Variants in MAST2 observed in about 807,000 individuals in gnomAD.
MAST2 encodes microtubule-associated serine/threonine-protein kinase 2.
In MAST2, 70 loss-of-function variants were observed where a neutral mutation model predicts 147.4. That is an observed-to-expected ratio of 0.47 (90% CI 0.39 to 0.58). The LOEUF (loss-of-function observed/expected upper bound fraction) is 0.58. Among genes scored for constraint, MAST2 ranks in the 20% least tolerant of loss-of-function variants. MAST2 has a pLI of 0.00. For missense variants in MAST2, 2,080 were observed against 2,302.3 expected (o/e 0.90, Z 1.98); for synonymous variants, 869 against 896.8 (o/e 0.97, Z 0.55).
intron 4 of MAST2, among the ~76,000 whole-genome samples, chr1:45,937,776 A>G (rs1432186494): frequency 8.1e-6 from 1 of 123,670 alleles, no homozygotes; most frequent in African/African-American, 3.2e-5. Flanking sequence ...AAAAAAAAAA[A>G]AAAAAATTAC....
At chr1:45,955,363 A>G (rs1302892589) in intron 4 of MAST2, among the ~76,000 whole-genome samples, 1 of 152,090 alleles carries the variant, frequency 6.6e-6, no homozygotes, top group Non-Finnish European at 1.5e-5. Flanking sequence ...TACAAAGCAA[A>G]TCCCTGCAAA....
At chr1:45,874,734 T>G (rs1646529163) in intron 3 of MAST2, among the ~76,000 whole-genome samples, 1 of 152,214 alleles carries the variant, frequency 6.6e-6, no homozygotes, top group Non-Finnish European at 1.5e-5. Context: ...AGAGCAAGAC[T>G]AATTCCTACT....
chr1:46,032,766 TG>T (rs1314977609), intron 26 of MAST2, 48 bp downstream of exon 26: 1 of 1,584,118 alleles, frequency 6.3e-7, no homozygotes, highest in South Asian at 1.2e-5. Flanking sequence ...GACCTCAGCC[TG>T]TGAGTCTGTG....
intron 4 of MAST2, among the ~76,000 whole-genome samples, chr1:45,935,696 G>A (rs1022379027): frequency 6.6e-6 from 1 of 152,180 alleles, no homozygotes; most frequent in Non-Finnish European, 1.5e-5. Flanking sequence ...TCAGAAGGTT[G>A]TAGATGTGTG....
chr1:45,931,634 C>T (rs900588897), intron 4 of MAST2, among the ~76,000 whole-genome samples: 4 of 151,862 alleles, frequency 2.6e-5, no homozygotes, highest in Admixed American at 6.6e-5. Context: ...GGACTACAGG[C>T]GCCCGCCACC....
chr1:45,904,741 C>T lies in MAST2; in HGVS notation c.500+22346C>T, dbSNP rs189368555. 7.2e-5 allele frequency among the ~76,000 whole-genome samples: 11 copies of T among 151,996 alleles called. No homozygotes were observed. The East Asian group carries it at 1.9e-3, about 27-fold the overall frequency. ...TTGGCCTCCCAGAGTGCTAGGATTA[C>T]AGGCACGAGCCACCGCACCCAACCC... is the stretch of plus-strand genomic sequence containing the variant. On this transcript the variant is annotated intron_variant, in intron 4 of 28. Transcript: ENST00000361297.
At chr1:45,933,751 GT>G (rs1242613689) in intron 4 of MAST2, among the ~76,000 whole-genome samples, 1 of 151,386 alleles carries the variant, frequency 6.6e-6, no homozygotes, top group African/African-American at 2.4e-5. Context: ...CAAAAACTCA[GT>G]CTCAAAAAAA....
chr1:45,938,562 A>G (rs1656640834), intron 4 of MAST2, among the ~76,000 whole-genome samples: 1 of 152,202 alleles, frequency 6.6e-6, no homozygotes, highest in African/African-American at 2.4e-5. Context: ...CCTGGGCTCA[A>G]GTGATTCTCC....
At chr1:45,985,779 C>G (rs910029338) in intron 5 of MAST2, among the ~76,000 whole-genome samples, 1 of 152,142 alleles carries the variant, frequency 6.6e-6, no homozygotes, top group African/African-American at 2.4e-5. Flanking sequence ...TTTAGATCAT[C>G]TTTAATTTCT....
Position 46,035,023 on chromosome 1 carries a change from G to C in MAST2, c.4354G>C (p.Val1452Leu). The C allele has an allele frequency of 6.2e-7, 1 of 1,614,016 alleles. No homozygotes were observed. The highest frequency in any genetic ancestry group is 8.5e-7 in the Non-Finnish European group (1 of 1,180,034). ...CAGGGAAGTGAGCCCTCTGGAGGTAGTTGGAGCCAGGAGTGTGCTGTCTGG... is the reference window on the plus strand; with the variant it reads ...CAGGGAAGTGAGCCCTCTGGAGGTACTTGGAGCCAGGAGTGTGCTGTCTGG... ...PPREVSPLEV[V>L]GARSVLSGKG... is the part of the protein sequence containing the mutation. The change falls in exon 29 of 29, where the codon GTT becomes CTT. Residue 1452 changes from valine (V) to leucine (L), a missense_variant. Transcript: ENST00000361297. The surrounding 1 kb of genome is among the most constrained non-coding windows in gnomAD (Gnocchi z 5.5).
chr1:45,824,232 TTAA>T lies in MAST2; in HGVS notation c.178-196_178-194del, dbSNP rs1644723805. 3.3e-5 allele frequency among the ~76,000 whole-genome samples: 5 copies of T among 152,356 alleles called. No homozygotes were observed. In the South Asian group the frequency reaches 1.0e-3, roughly 32 times the overall value. On this transcript the variant is annotated intron_variant, in intron 1 of 28. Coordinates refer to ENST00000361297, the MANE Select transcript of MAST2 (RefSeq NM_015112.3). ...TCTCACCTATTTTTCCTTTGGCATT[TTAA>T]TAATCAATATCCTGTGTCCTTTACA...
chr1:45,846,557 C>T (rs1168317948), intron 3 of MAST2, among the ~76,000 whole-genome samples: 1 of 152,132 alleles, frequency 6.6e-6, no homozygotes, highest in African/African-American at 2.4e-5. Context: ...TGCGGTGGCT[C>T]ATACCTGTAA....
Position 45,883,912 on chromosome 1 carries a change from G to GCCTCCCC in MAST2, c.500+1519_500+1520insTCCCCCC, listed in dbSNP as rs59944185. Reference sequence around the variant, plus strand: ...ACTTGGTCATTTTTCTACTATTTCTGCCCCCCCCGCTTTTTTTTGGTTGCT... The same window carrying GCCTCCCC: ...ACTTGGTCATTTTTCTACTATTTCTGCCTCCCCCCCCCCCCGCTTTTTTTTGGTTGCT... On this transcript the variant is annotated intron_variant, in intron 4 of 28. Coordinates refer to ENST00000361297, the MANE Select transcript of MAST2 (RefSeq NM_015112.3). 8.4e-3 allele frequency among the ~76,000 whole-genome samples: 21 copies of GCCTCCCC among 2,506 alleles called. 8 individuals carry two copies. The highest frequency in any genetic ancestry group is 0.067 in the South Asian group (2 of 30). The allele number at this position is 2,506 out of a possible 152,430, so 1.6% of individuals were successfully genotyped here.
intron 3 of MAST2, among the ~76,000 whole-genome samples, chr1:45,854,804 C>T (rs114667646): frequency 6.6e-6 from 1 of 152,156 alleles, no homozygotes; most frequent in Non-Finnish European, 1.5e-5. Context: ...AGCATCAGAT[C>T]CCATAGGCTA....
chr1:45,886,083 G>A (rs1439395502), intron 4 of MAST2, among the ~76,000 whole-genome samples: 1 of 151,932 alleles, frequency 6.6e-6, no homozygotes, highest in African/African-American at 2.4e-5. Flanking sequence ...GGGCAACATA[G>A]TGAGACCCTG....
intron 4 of MAST2, among the ~76,000 whole-genome samples, chr1:45,911,224 G>A (rs553293624): frequency 1.1e-3 from 160 of 152,296 alleles, no homozygotes; most frequent in Non-Finnish European, 2.1e-3. Context: ...AGGAATATTG[G>A]CACAAATGGA....
In MAST2 at chr1:45,850,825, C is replaced by A. The variant is rs984171235; in HGVS notation, c.468+21244C>A. On this transcript the variant is annotated intron_variant, in intron 3 of 28. Transcript: ENST00000361297. ...ATAGGTCTATGTGTCTGCTTTTGTA[C>A]CAGTACTATGCTTTTTTTTTTTTTT... Among the ~76,000 whole-genome samples, 6 of 144,258 alleles carry A rather than the reference C, an allele frequency of 4.2e-5. 1 individual carries two copies. Among genetic ancestry groups the A allele is most frequent in the African/African-American group, 1.5e-4 (6 of 39,254 alleles). 94.6% of individuals were successfully genotyped at this position (144,258 alleles called of 152,430 possible).
At chr1:45,884,557 A>C (rs1012831821) in intron 4 of MAST2, among the ~76,000 whole-genome samples, 2 of 152,092 alleles carry the variant, frequency 1.3e-5, no homozygotes, top group African/African-American at 4.8e-5. Context: ...GTCAAAAAAT[A>C]AATAAATAAA....
At position 45,829,594 on chromosome 1, in the gene MAST2, A is replaced by T; in HGVS notation, c.468+13A>T. 1 of 1,605,394 alleles carries T rather than the reference A, an allele frequency of 6.2e-7. No individual in the cohort carries two copies. The highest frequency in any genetic ancestry group is 8.5e-7 in the Non-Finnish European group (1 of 1,175,040). ...TACTGCTGGCCTGGTAAGTGTTCAT[A>T]AAGGTGGCATTTTGCTCTATGAAAA... On this transcript the variant is annotated intron_variant, in intron 3 of 28. Transcript: ENST00000361297.
Sources: gnomAD v4.1 joint callset for allele counts (sites outside exome capture counted in the v4.1 genomes callset) on GRCh38, gnomAD v4.1.1 for gene constraint, Gnocchi (gnomAD v3.1) non-coding constraint, MANE v1.5 for transcripts, NCBI Gene and HGNC (gene_info 2026-07-23, HGNC 2026-07-21) for gene names.